HVCN1: variants seen among roughly 807,000 people sequenced by gnomAD.
HVCN1 encodes hydrogen voltage gated channel 1, also known as voltage-gated hydrogen channel 1.
In HVCN1, 14 loss-of-function variants were observed where a neutral mutation model predicts 29.2. That is an observed-to-expected ratio of 0.48 (90% CI 0.32 to 0.75). The LOEUF is 0.75. Ranked by LOEUF, HVCN1 falls within the 30% of genes least tolerant of loss-of-function variation. The probability of loss-of-function intolerance (pLI) is 0.04; values close to 1 mark genes in which losing one functional copy is unlikely to be tolerated. For synonymous variants in HVCN1, 131 were observed against 133.2 expected, an observed-to-expected ratio of 0.98 and a Z score of 0.11; for missense variants, 263 against 341.8, an observed-to-expected ratio of 0.77 and a Z score of 1.82.
chr12:110,652,239 T>C (rs1386764502), intron 5 of HVCN1, among the ~76,000 whole-genome samples: 2 of 151,990 alleles, frequency 1.3e-5, no homozygotes, highest in African/African-American at 4.8e-5. Context: ...ACTAAAAAAA[T>C]ACAAAAAGTT....
chr12:110,680,873 T>C (rs2068941141), intron 3 of HVCN1, among the ~76,000 whole-genome samples: 1 of 152,130 alleles, frequency 6.6e-6, no homozygotes, highest in African/African-American at 2.4e-5. Flanking sequence ...GAGGTTGAAG[T>C]GAGCCGAGAT....
At chr12:110,689,958 G>A (rs2069367112), upstream of HVCN1, 1 of 152,434 alleles carries the variant, frequency 6.6e-6, no homozygotes, top group South Asian at 2.1e-4. This position sits in a 1 kb window ranked among gnomAD's most constrained non-coding sequence, Gnocchi z 5.7. Context: ...GGGCTGTGGG[G>A]AGAGGCTCAC....
At chr12:110,653,512 G>A (rs2067882709) in intron 5 of HVCN1, among the ~76,000 whole-genome samples, 1 of 151,262 alleles carries the variant, frequency 6.6e-6, no homozygotes, top group Non-Finnish European at 1.5e-5. Flanking sequence ...TAGAATATTG[G>A]AATTCTCTAT....
At chr12:110,679,855 G>A (rs1244434009) in intron 3 of HVCN1, among the ~76,000 whole-genome samples, 4 of 147,208 alleles carry the variant, frequency 2.7e-5, no homozygotes, top group African/African-American at 1.0e-4. Context: ...GCGAGACTCC[G>A]TCTCAAAAAA....
intron 3 of HVCN1, among the ~76,000 whole-genome samples, chr12:110,672,362 T>A (rs1429904718): frequency 6.6e-6 from 1 of 152,134 alleles, no homozygotes; most frequent in Non-Finnish European, 1.5e-5. Context: ...CAGTCCTGCT[T>A]CAAGAGCCCT....
Position 110,686,840 on chromosome 12 carries a change from G to C in HVCN1, c.-20+1785C>G, listed in dbSNP as rs529633130. Among the ~76,000 whole-genome samples the C allele has an allele frequency of 3.3e-5, 5 of 152,266 alleles. No individual in the cohort carries two copies. The South Asian group carries it at 1.0e-3, about 32-fold the overall frequency. On this transcript the variant is annotated intron_variant, in intron 2 of 7. Transcript: ENST00000242607. ...CCCTTGACTTGCACACCTTGGTTAGGAAACTGTATCTCCAAGAAGCCATTT... is the reference window on the plus strand; with the variant it reads ...CCCTTGACTTGCACACCTTGGTTAGCAAACTGTATCTCCAAGAAGCCATTT...
rs555543831 is a variant in HVCN1 at position 110,650,334 on chromosome 12, G to GA, written c.644-55dup. 43 of 1,108,472 alleles carry GA rather than the reference G, an allele frequency of 3.9e-5. No homozygotes were observed. The East Asian group carries it at 5.1e-4, about 13-fold the overall frequency. 68.7% of individuals were successfully genotyped at this position (1,108,472 alleles called of 1,614,324 possible). A position where few individuals can be genotyped will look rare whatever the true frequency, so the allele number is the denominator to read the frequency against. On this transcript the variant is annotated intron_variant, in intron 6 of 7. Coordinates refer to ENST00000242607, the MANE Select transcript of HVCN1 (RefSeq NM_032369.4). ...ACTGGTTTCTAACTTAACCACTCAGGAAAAAAATCTGTATTCTTACACCTG... is the reference window on the plus strand; with the variant it reads ...ACTGGTTTCTAACTTAACCACTCAGGAAAAAAAATCTGTATTCTTACACCTG...
intron 3 of HVCN1, among the ~76,000 whole-genome samples, chr12:110,681,815 G>T (rs2068986777): frequency 2.0e-5 from 3 of 152,136 alleles, no homozygotes; most frequent in Non-Finnish European, 2.9e-5. Flanking sequence ...AACAGCTGAT[G>T]TGAAAGTCAA....
At chr12:110,669,553 C>T (rs1326168687) in intron 3 of HVCN1, among the ~76,000 whole-genome samples, 2 of 152,194 alleles carry the variant, frequency 1.3e-5, no homozygotes, top group African/African-American at 2.4e-5. Flanking sequence ...GCTTCCAGGA[C>T]TCCGCATGGC....
rs78118332 is a variant in HVCN1, at chr12:110,663,070, C to T, written c.22-1622G>A. Among the ~76,000 whole-genome samples the T allele has an allele frequency of 6.0e-3, 917 of 152,242 alleles. 9 individuals carry two copies. The highest frequency in any genetic ancestry group is 0.021 in the African/African-American group (858 of 41,544). On this transcript the variant is annotated intron_variant, in intron 3 of 7. Coordinates refer to ENST00000242607, the MANE Select transcript of HVCN1 (RefSeq NM_032369.4). ...TTTCACTCCTCAGGTTGGCAAGTGT[C>T]TTAAAGTCTACATCAAATATCGGTG...
intron 3 of HVCN1, among the ~76,000 whole-genome samples, chr12:110,677,503 CA>C (rs1188832387): frequency 2.0e-5 from 3 of 152,184 alleles, no homozygotes; most frequent in African/African-American, 7.2e-5. Context: ...CTGTTCACAG[CA>C]TGACCTCTGT....
chr12:110,654,781 G>C (rs2067933196), intron 5 of HVCN1, among the ~76,000 whole-genome samples: 1 of 152,076 alleles, frequency 6.6e-6, no homozygotes, highest in South Asian at 2.1e-4. Flanking sequence ...TGCCCAACCA[G>C]GGATGATTTT....
At chr12:110,671,409 T>C (rs1480807482) in intron 3 of HVCN1, among the ~76,000 whole-genome samples, 3 of 152,128 alleles carry the variant, frequency 2.0e-5, no homozygotes, top group African/African-American at 7.2e-5. Flanking sequence ...AGCCAAAGAC[T>C]GCAGACAACA....
At chr12:110,662,537 T>C (rs924114657) in intron 3 of HVCN1, among the ~76,000 whole-genome samples, 4 of 152,104 alleles carry the variant, frequency 2.6e-5, no homozygotes, top group African/African-American at 7.2e-5. Flanking sequence ...AGACCCCATC[T>C]CTACAAAAAA....
At chr12:110,666,331 G>A (rs1007152480) in intron 3 of HVCN1, among the ~76,000 whole-genome samples, 2 of 152,118 alleles carry the variant, frequency 1.3e-5, no homozygotes, top group African/African-American at 4.8e-5. Flanking sequence ...GCTGAGGCAG[G>A]AGAATGGCGT....
intron 3 of HVCN1, among the ~76,000 whole-genome samples, chr12:110,682,279 T>A (rs555652966): frequency 1.3e-5 from 2 of 152,012 alleles, no homozygotes; most frequent in Admixed American, 1.3e-4. Flanking sequence ...TGAGCCACCG[T>A]GCCTTTGCCT....
chr12:110,698,516 T>G (rs1388255161), intron 2 of HVCN1, among the ~76,000 whole-genome samples: 1 of 152,196 alleles, frequency 6.6e-6, no homozygotes, highest in Non-Finnish European at 1.5e-5. Flanking sequence ...GCTGCAGCAC[T>G]GGAGCAGAGC....
Position 110,658,988 on chromosome 12 carries a change from C to T in HVCN1, c.306+2176G>A, listed in dbSNP as rs1160078216. Among the ~76,000 whole-genome samples, 1 of 152,224 alleles carries T rather than the reference C, an allele frequency of 6.6e-6. No homozygotes were observed. The highest frequency in any genetic ancestry group is 3.2e-3 in the Middle Eastern group (1 of 316). The stretch of plus-strand genomic sequence containing the variant: ...ATGGGGCGGCCCAGGGCTCCCCTTG[C>T]AGCTGCAAGGAAGCTGTTTCCTTCC... On this transcript the variant is annotated intron_variant, in intron 4 of 7. Transcript: ENST00000242607. This position sits in a 1 kb window ranked among gnomAD's most constrained non-coding sequence, Gnocchi z 5.0.
chr12:110,675,011 G>T (rs190040823), intron 3 of HVCN1, among the ~76,000 whole-genome samples: 19 of 152,278 alleles, frequency 1.2e-4, no homozygotes, highest in African/African-American at 4.6e-4. Flanking sequence ...TATAATTCAA[G>T]AAAACTTTTC....
Sources: allele counts gnomAD v4.1 joint callset (sites outside exome capture counted in the v4.1 genomes callset), GRCh38; gene constraint gnomAD v4.1.1; non-coding constraint Gnocchi (gnomAD v3.1); transcripts MANE v1.5; gene names NCBI Gene and HGNC (gene_info 2026-07-23, HGNC 2026-07-21).